The following LRIF1 variants were observed in gnomAD, a reference collection of about 807,000 sequenced individuals.
The protein encoded by LRIF1 is ligand-dependent nuclear receptor-interacting factor 1.
A neutral mutation model predicts 52.7 loss-of-function variants in LRIF1; 32 were observed. The observed-to-expected ratio is 0.61, with a 90% CI of 0.46 to 0.82. LRIF1 has a LOEUF of 0.82. Among genes scored for constraint, LRIF1 ranks in the 40% least tolerant of loss-of-function variants. The probability of loss-of-function intolerance (pLI) is 0.00; values close to 1 mark genes in which losing one functional copy is unlikely to be tolerated. For synonymous variants in LRIF1, 323 were observed against 317.4 expected (o/e 1.02, Z -0.19); for missense variants, 887 against 892.0 (o/e 0.99, Z 0.07).
the LRIF1 span, among the ~76,000 whole-genome samples, chr1:110,882,631 T>G: frequency 3.3e-5 from 5 of 152,032 alleles, no homozygotes; most frequent in Admixed American, 1.3e-4. Context: ...TTGATGGGGA[T>G]TACAATCTAT....
intron 1 of LRIF1, among the ~76,000 whole-genome samples, chr1:110,960,449 TTAAG>T: frequency 6.6e-6 from 1 of 152,286 alleles, no homozygotes; most frequent in Admixed American, 6.5e-5. Flanking sequence ...CTGAGAACAC[TTAAG>T]TTTAGCTCCC....
the LRIF1 span, among the ~76,000 whole-genome samples, chr1:110,908,100 C>T: frequency 2.6e-5 from 4 of 152,202 alleles, no homozygotes; most frequent in South Asian, 8.3e-4. Flanking sequence ...AACAGAAATT[C>T]TATATAAAAA....
At chr1:110,951,125 T>G (rs557133485) in intron 2 of LRIF1, among the ~76,000 whole-genome samples, 163 bp downstream of exon 2, 62 of 152,236 alleles carry the variant, frequency 4.1e-4, no homozygotes, top group African/African-American at 1.5e-3. Context: ...CTCCTCAAAT[T>G]TGCTCAGATG....
chr1:110,938,341 A>T, the LRIF1 span: 1 of 152,214 alleles, frequency 6.6e-6, no homozygotes, highest in African/African-American at 2.4e-5. Context: ...CCAACAATAT[A>T]TTAGAAAGAT....
the LRIF1 span, among the ~76,000 whole-genome samples, chr1:110,923,402 T>C: frequency 0.22 from 33,504 of 152,096 alleles, 4,373 homozygotes; most frequent in East Asian, 0.34. Context: ...CATCAACATC[T>C]TTGGGGAAGG....
At chr1:110,896,410 T>A in the LRIF1 span, among the ~76,000 whole-genome samples, 2 of 152,150 alleles carry the variant, frequency 1.3e-5, no homozygotes, top group African/African-American at 4.8e-5. Context: ...GGTGCCTTAT[T>A]CTTGATCTGT....
the LRIF1 span, among the ~76,000 whole-genome samples, chr1:110,933,964 T>C: frequency 6.6e-6 from 1 of 151,926 alleles, no homozygotes; most frequent in African/African-American, 2.4e-5. Context: ...AAGGGAATAG[T>C]AGGAGGGACT....
chr1:110,894,968 G>T, the LRIF1 span: 1 of 1,613,702 alleles, frequency 6.2e-7, no homozygotes, highest in Non-Finnish European at 8.5e-7. Context: ...AGCTGAATGA[G>T]TATGTGGCTA....
At chr1:110,905,801 T>TGAAAC in the LRIF1 span, among the ~76,000 whole-genome samples, 8,173 of 152,076 alleles carry the variant, frequency 0.054, 272 homozygotes, top group East Asian at 0.14. Context: ...GACTAAATAA[T>TGAAAC]AAATCAAAAA....
the LRIF1 span, among the ~76,000 whole-genome samples, chr1:110,883,012 G>A: frequency 6.6e-5 from 10 of 151,964 alleles, no homozygotes; most frequent in East Asian, 1.5e-3. Context: ...AACAAAGCCA[G>A]TTTTACTTTT....
At position 110,951,460 on chromosome 1, in the gene LRIF1, T is replaced by C. The variant is rs758085105; in HGVS notation, c.1424A>G (p.Asn475Ser). The C allele has an allele frequency of 1.9e-6, 3 of 1,614,008 alleles. No individual in the cohort carries two copies. Among genetic ancestry groups the C allele is most frequent in the South Asian group, 1.1e-5 (1 of 91,084 alleles). Residue 475 changes from asparagine (N) to serine (S), a missense_variant, in exon 2 of 4, where the codon AAT (asparagine) becomes AGT (serine). Physicochemically the swap from Asn to Ser is conservative, Grantham distance 46. Coordinates refer to ENST00000369763, the MANE Select transcript of LRIF1 (RefSeq NM_018372.4). The stretch of plus-strand genomic sequence containing the variant: ...ACTAAATCCAACTGGAAAGATTGGA[T>C]TTGTGAATAAAGTCTTACTCTGTTT... ...YLKQSKTLFT[N>S]PIFPVGFSTG...
intron 1 of LRIF1, among the ~76,000 whole-genome samples, chr1:110,959,561 C>T (rs546404627): frequency 1.3e-5 from 2 of 151,618 alleles, no homozygotes; most frequent in African/African-American, 4.8e-5. Flanking sequence ...ACCATCCTGG[C>T]CAACATGGTG....
the LRIF1 span, among the ~76,000 whole-genome samples, chr1:110,898,317 T>C: frequency 6.8e-6 from 1 of 146,304 alleles, no homozygotes; most frequent in African/African-American, 2.5e-5. Context: ...GCGGAGCTTG[T>C]AGTGAGTCAA....
chr1:110,896,809 G>T, the LRIF1 span: 1 of 1,260,266 alleles, frequency 7.9e-7, no homozygotes, highest in Non-Finnish European at 1.1e-6. Flanking sequence ...TGCAGTCATA[G>T]AGGACCTAGA....
chr1:110,904,988 A>C, the LRIF1 span, among the ~76,000 whole-genome samples: 1 of 152,226 alleles, frequency 6.6e-6, no homozygotes, highest in Admixed American at 6.5e-5. Context: ...TGCAATTGGC[A>C]TATTAAAGAA....
chr1:110,908,326 C>G, the LRIF1 span, among the ~76,000 whole-genome samples: 292 of 152,318 alleles, frequency 1.9e-3, 1 homozygote, highest in African/African-American at 6.8e-3. Context: ...AGTGCAATAA[C>G]TCCAGCAACT....
the LRIF1 span, among the ~76,000 whole-genome samples, chr1:110,883,934 T>G: frequency 6.6e-6 from 1 of 151,962 alleles, no homozygotes; most frequent in African/African-American, 2.4e-5. Context: ...TGATTACCTG[T>G]GTATAAGTTT....
intron 2 of LRIF1, among the ~76,000 whole-genome samples, chr1:110,950,718 T>C (rs191608080): frequency 1.1e-3 from 161 of 150,988 alleles, no homozygotes; most frequent in African/African-American, 3.4e-3. Flanking sequence ...GAAAATGAAA[T>C]TTGTCTACCA....
chr1:110,918,214 C>T, the LRIF1 span, among the ~76,000 whole-genome samples: 1 of 152,180 alleles, frequency 6.6e-6, no homozygotes, highest in African/African-American at 2.4e-5. Context: ...GATGAGGTGC[C>T]GAACATTCCC....
Sources: gnomAD v4.1 joint callset for allele counts (sites outside exome capture counted in the v4.1 genomes callset) on GRCh38, gnomAD v4.1.1 for gene constraint, MANE v1.5 for transcripts, NCBI Gene and HGNC (gene_info 2026-07-23, HGNC 2026-07-21) for gene names.